The following DMRT1 variants were observed in gnomAD, a reference collection of about 807,000 sequenced individuals.
The protein encoded by DMRT1 is doublesex and mab-3 related transcription factor 1.
In DMRT1, 7 loss-of-function variants were observed where a neutral mutation model predicts 32.3. That is an observed-to-expected ratio of 0.22 (90% CI 0.12 to 0.41). DMRT1 has a LOEUF of 0.41. Ranked by LOEUF, DMRT1 falls within the 10% of genes least tolerant of loss-of-function variation. DMRT1 has a pLI of 1.00. For synonymous variants in DMRT1, 278 were observed against 206.1 expected (o/e 1.35, Z -2.99); for missense variants, 625 against 500.5 (o/e 1.25, Z -2.37).
At chr9:913,190 T>A (rs2129751785) in intron 3 of DMRT1, among the ~76,000 whole-genome samples, 1 of 152,354 alleles carries the variant, frequency 6.6e-6, no homozygotes, top group East Asian at 1.9e-4. Context: ...CCTATCTGTT[T>A]TCTTGTACCC....
intron 4 of DMRT1, among the ~76,000 whole-genome samples, chr9:935,702 C>T (rs1232367087): frequency 2.0e-5 from 3 of 152,298 alleles, no homozygotes; most frequent in African/African-American, 2.4e-5. Flanking sequence ...GTTGTTACAG[C>T]GCTAAATGGA....
At chr9:857,845 C>G (rs542454154) in intron 2 of DMRT1, among the ~76,000 whole-genome samples, 1 of 137,316 alleles carries the variant, frequency 7.3e-6, no homozygotes, top group African/African-American at 2.7e-5. Flanking sequence ...TCTCATTGTT[C>G]GATTCCCACC....
At chr9:846,835 G>A in intron 1 of DMRT1, 125 bp from the exon 2 acceptor site, 1 of 1,207,116 alleles carries the variant, frequency 8.3e-7, no homozygotes, top group Non-Finnish European at 1.2e-6. Flanking sequence ...AAGAAGAAAT[G>A]GGAGATTTTC....
At chr9:870,889 G>C (rs956161435) in intron 2 of DMRT1, among the ~76,000 whole-genome samples, 13 of 151,516 alleles carry the variant, frequency 8.6e-5, no homozygotes, top group Admixed American at 7.9e-4. Flanking sequence ...TTTTTTTTGT[G>C]TGTATGTAGA....
At position 871,705 on chromosome 9, in the gene DMRT1, A is replaced by G. The variant is rs188797938; in HGVS notation, c.539-22207A>G. On this transcript the variant is annotated intron_variant, in intron 2 of 4. Coordinates refer to ENST00000382276, the MANE Select transcript of DMRT1 (RefSeq NM_021951.3). ...TAGCCAGGATGGTCTCAATCTCCTGACCTCGTGATTCGCCCGCCTCGGCCT... is the reference window on the plus strand; with the variant it reads ...TAGCCAGGATGGTCTCAATCTCCTGGCCTCGTGATTCGCCCGCCTCGGCCT... Among the ~76,000 whole-genome samples, 1,175 of 147,668 alleles carry G rather than the reference A, an allele frequency of 8.0e-3. 33 individuals carry two copies. The highest frequency in any genetic ancestry group is 0.029 in the African/African-American group (1,126 of 38,976).
At chr9:842,327 C>T (rs928714863) in intron 1 of DMRT1, 135 bp downstream of exon 1, 27 of 1,161,404 alleles carry the variant, frequency 2.3e-5, no homozygotes, top group Admixed American at 5.0e-5. Flanking sequence ...CTCCGCTTCC[C>T]GGGTTCAAGC....
At chr9:874,258 G>C (rs1045002119) in intron 2 of DMRT1, among the ~76,000 whole-genome samples, 1 of 152,154 alleles carries the variant, frequency 6.6e-6, no homozygotes, top group Non-Finnish European at 1.5e-5. Context: ...TTGAGATGGT[G>C]TAAGTTTTGA....
intron 2 of DMRT1, 96 bp downstream of exon 2, chr9:847,239 G>A (rs2132543698): frequency 9.1e-6 from 12 of 1,312,352 alleles, no homozygotes; most frequent in African/African-American, 1.5e-5. Flanking sequence ...GCTACATACA[G>A]TGTTTAGAGC....
intron 2 of DMRT1, among the ~76,000 whole-genome samples, chr9:880,819 G>A (rs10977259): frequency 1.3e-5 from 2 of 151,400 alleles, no homozygotes; most frequent in African/African-American, 2.4e-5. Flanking sequence ...CACCCTTGCC[G>A]CTGCATCATC....
chr9:928,709 G>C (rs1046890490), intron 4 of DMRT1, among the ~76,000 whole-genome samples: 12 of 152,092 alleles, frequency 7.9e-5, no homozygotes, highest in Admixed American at 7.9e-4. Flanking sequence ...TTAAGATTTC[G>C]AGATAAAATG....
chr9:954,396 G>A (rs1451762601), intron 4 of DMRT1, among the ~76,000 whole-genome samples: 1 of 152,034 alleles, frequency 6.6e-6, no homozygotes, highest in Non-Finnish European at 1.5e-5. Context: ...GTAGGATAGG[G>A]TCATTGGAAA....
At chr9:930,516 A>G (rs1002831543) in intron 4 of DMRT1, among the ~76,000 whole-genome samples, 10 of 151,308 alleles carry the variant, frequency 6.6e-5, no homozygotes, top group African/African-American at 2.4e-4. Flanking sequence ...GGTTCATGCC[A>G]TTCTGCCTCA....
At position 916,926 on chromosome 9, in the gene DMRT1, A is replaced by G. The variant is rs1352041872; in HGVS notation, c.967+19A>G. On this transcript the variant is annotated intron_variant, in intron 4 of 4. Coordinates refer to ENST00000382276, the MANE Select transcript of DMRT1 (RefSeq NM_021951.3). ...GCGAGCGGTAGGTGTCTGGTCACAC[A>G]GACTGGATTTGGGGTTGAGAGAGGA... The G allele has an allele frequency of 6.2e-7, 1 of 1,614,174 alleles. No individual in the cohort carries two copies. The highest frequency in any genetic ancestry group is 1.3e-5 in the African/African-American group (1 of 75,064).
intron 3 of DMRT1, among the ~76,000 whole-genome samples, chr9:899,243 A>G (rs1252018170): frequency 1.3e-5 from 2 of 152,038 alleles, no homozygotes; most frequent in Non-Finnish European, 2.9e-5. Flanking sequence ...TTTGATTCCT[A>G]GAAAAAAAAA....
At chr9:871,755 T>G (rs557380777) in intron 2 of DMRT1, among the ~76,000 whole-genome samples, 1 of 150,830 alleles carries the variant, frequency 6.6e-6, no homozygotes, top group Non-Finnish European at 1.5e-5. Context: ...ATTACAGGCG[T>G]GAGCAACCGT....
At chr9:916,711 G>T in intron 3 of DMRT1, 52 bp from the exon 4 acceptor site, 1 of 1,600,154 alleles carries the variant, frequency 6.2e-7, no homozygotes. Flanking sequence ...TATTGTACTA[G>T]TTGTGACATG....
chr9:967,939 A>C, intron 4 of DMRT1, 46 bp from the exon 5 acceptor site: 1 of 1,400,684 alleles, frequency 7.1e-7, no homozygotes, highest in African/African-American at 1.6e-5. Context: ...TTTTAACATT[A>C]CTCCCTTTCT....
rs151087742 is a variant in DMRT1, at chr9:956,431, G to T, written c.968-11554G>T. Among the ~76,000 whole-genome samples the T allele has an allele frequency of 3.3e-3, 507 of 152,228 alleles. 1 individual carries two copies. The highest frequency in any genetic ancestry group is 5.5e-3 in the Non-Finnish European group (371 of 68,004). Reference sequence around the variant, plus strand: ...AAATGGTTAAGGGCCAGGTGTGGTGGCTCATGCCGGTAATCCCAGCACTTT... The same window carrying T: ...AAATGGTTAAGGGCCAGGTGTGGTGTCTCATGCCGGTAATCCCAGCACTTT... On this transcript the variant is annotated intron_variant, in intron 4 of 4. Coordinates refer to ENST00000382276, the MANE Select transcript of DMRT1 (RefSeq NM_021951.3).
intron 2 of DMRT1, among the ~76,000 whole-genome samples, chr9:872,242 T>C (rs1688126934): frequency 6.6e-6 from 1 of 151,692 alleles, no homozygotes; most frequent in South Asian, 2.1e-4. Context: ...TTTGTATTTT[T>C]AGTAGAGATA....
Sources: gnomAD v4.1 joint callset for allele counts (sites outside exome capture counted in the v4.1 genomes callset) on GRCh38, gnomAD v4.1.1 for gene constraint, MANE v1.5 for transcripts, NCBI Gene and HGNC (gene_info 2026-07-23, HGNC 2026-07-21) for gene names.